Variants in UTP11 observed in about 807,000 individuals in gnomAD.
The protein encoded by UTP11 is probable U3 small nucleolar RNA-associated protein 11.
In UTP11, 29 loss-of-function variants were observed where a neutral mutation model predicts 39.0. The observed-to-expected ratio is 0.74, with a 90% CI of 0.55 to 1.01. The LOEUF (loss-of-function observed/expected upper bound fraction) is 1.01. Among genes scored for constraint, UTP11 ranks in the 50% least tolerant of loss-of-function variants. The pLI is 0.00. For missense variants in UTP11, 281 were observed against 306.0 expected, an observed-to-expected ratio of 0.92 and a Z score of 0.61; for synonymous variants, 111 against 105.0, an observed-to-expected ratio of 1.06 and a Z score of -0.35.
In UTP11 at chr1:38,019,080, G is replaced by GA. The variant is rs748604855; in HGVS notation, c.365dup (p.Leu123AlafsTer19). 6.2e-7 allele frequency: 1 copy of GA among 1,613,084 alleles called. No individual in the cohort carries two copies. Among genetic ancestry groups the GA allele is most frequent in the South Asian group, 1.1e-5 (1 of 91,038 alleles). On this transcript the variant is annotated frameshift_variant, in exon 5 of 8. Coordinates refer to ENST00000373014, the MANE Select transcript of UTP11 (RefSeq NM_016037.4). LOFTEE classifies it high-confidence loss of function. ...CTAGAAAATCGAAAGACTAAAATCAGAGCTCCATCTGCTGGATTTCCAGGG... is the reference window on the plus strand; with the variant it reads ...CTAGAAAATCGAAAGACTAAAATCAGAAGCTCCATCTGCTGGATTTCCAGGG...
At chr1:38,015,475 A>T (rs999146586) in intron 1 of UTP11, among the ~76,000 whole-genome samples, 1 of 152,188 alleles carries the variant, frequency 6.6e-6, no homozygotes, top group African/African-American at 2.4e-5. Context: ...TCTTGGGCAT[A>T]TCATTCTCTA....
At chr1:38,014,288 G>A (rs917334496) in intron 1 of UTP11, among the ~76,000 whole-genome samples, 3 of 152,226 alleles carry the variant, frequency 2.0e-5, no homozygotes, top group Non-Finnish European at 2.9e-5. Context: ...GATGGCCTGT[G>A]TAGAAGAGGT....
In UTP11 at chr1:38,012,794, T is replaced by G; in HGVS notation, c.-9T>G. 6.2e-7 allele frequency: 1 copy of G among 1,614,198 alleles called. No homozygotes were observed. Among genetic ancestry groups the G allele is most frequent in the South Asian group, 1.1e-5 (1 of 91,082 alleles). On this transcript the variant is annotated 5_prime_UTR_variant, in exon 1 of 8. Transcript: ENST00000373014. ...GTTCTCCACTGATCTTTTCCAAGGC[T>G]GTACAGACATGGCGGCGGCTTTTCG...
rs1286091045 is a variant in UTP11 at position 38,023,831 on chromosome 1, A to C, written c.*203A>C. 1 of 423,304 alleles carries C rather than the reference A, an allele frequency of 2.4e-6. No individual in the cohort carries two copies. The highest frequency in any genetic ancestry group is 4.1e-6 in the Non-Finnish European group (1 of 243,072). The allele number at this position is 423,304 out of a possible 1,614,324, so 26.2% of individuals were successfully genotyped here. ...GTTTTTGGATTGTGAAATTAGTCTT[A>C]TTTTTATATACTTAATTTTTTTTTT... On this transcript the variant is annotated 3_prime_UTR_variant, in exon 8 of 8. Transcript: ENST00000373014.
intron 7 of UTP11, among the ~76,000 whole-genome samples, chr1:38,023,242 T>C (rs1646748396): frequency 1.3e-5 from 2 of 152,220 alleles, no homozygotes; most frequent in Non-Finnish European, 2.9e-5. Flanking sequence ...GCTTTGTAGA[T>C]CATTTAGGTC....
At chr1:38,018,322 C>T (rs557720458) in intron 3 of UTP11, 142 bp from the exon 4 acceptor site, 52 of 529,280 alleles carry the variant, frequency 9.8e-5, no homozygotes, top group East Asian at 5.5e-4. Flanking sequence ...CTGCCCATCT[C>T]GGTCTCCCAA....
chr1:38,024,479 T>C lies in UTP11; in HGVS notation c.*851T>C, dbSNP rs1159374461. The C allele has an allele frequency of 6.7e-6, 1 of 148,168 alleles. No individual in the cohort carries two copies. Among genetic ancestry groups the C allele is most frequent in the Non-Finnish European group, 1.5e-5 (1 of 67,478 alleles). The allele number at this position is 148,168 out of a possible 1,614,324, so 9.2% of individuals were successfully genotyped here. A position where few individuals can be genotyped will look rare whatever the true frequency, so the allele number is the denominator to read the frequency against. ...CTGCAGTGGCGCAATCTCGGCTCAC[T>C]GCAAGCTCCGCTTCCCGGGTTCACG... is the stretch of plus-strand genomic sequence containing the variant. On this transcript the variant is annotated 3_prime_UTR_variant, in exon 8 of 8. Coordinates refer to ENST00000373014, the MANE Select transcript of UTP11 (RefSeq NM_016037.4).
In UTP11 at chr1:38,012,794, T is replaced by C. The variant is rs769581009; in HGVS notation, c.-9T>C. Reference sequence around the variant, plus strand: ...GTTCTCCACTGATCTTTTCCAAGGCTGTACAGACATGGCGGCGGCTTTTCG... The same window carrying C: ...GTTCTCCACTGATCTTTTCCAAGGCCGTACAGACATGGCGGCGGCTTTTCG... On this transcript the variant is annotated 5_prime_UTR_variant, in exon 1 of 8. Coordinates refer to ENST00000373014, the MANE Select transcript of UTP11 (RefSeq NM_016037.4). 11 of 1,614,080 alleles carry C rather than the reference T, an allele frequency of 6.8e-6. No individual in the cohort carries two copies. In the Admixed American group the frequency reaches 1.5e-4, roughly 22 times the overall value.
At position 38,023,561 on chromosome 1, in the gene UTP11, T is replaced by G. The variant is rs1646749646; in HGVS notation, c.695T>G (p.Val232Gly). Residue 232 changes from valine (V) to glycine (G), a missense_variant, in exon 8 of 8, where the codon GTG becomes GGG. Physicochemically the swap from Val to Gly is moderately radical, Grantham distance 109. Coordinates refer to ENST00000373014, the MANE Select transcript of UTP11 (RefSeq NM_016037.4). ...RKDLMDKTQK[V>G]KVKKETVNSP... ...CTTTTGTAGGATAAAACTCAGAAAG[T>G]GAAGGTGAAGAAAGAAACGGTGAAC... 6.2e-7 allele frequency: 1 copy of G among 1,610,878 alleles called. No homozygotes were observed. Among genetic ancestry groups the G allele is most frequent in the Non-Finnish European group, 8.5e-7 (1 of 1,178,802 alleles).
chr1:38,023,431 C>G, intron 7 of UTP11, 114 bp from the exon 8 acceptor site: 2 of 847,250 alleles, frequency 2.4e-6, no homozygotes, highest in Non-Finnish European at 3.6e-6. Context: ...AGGGCTGTGT[C>G]CGTTCTCAAC....
Position 38,016,341 on chromosome 1 carries a change from C to G in UTP11, c.64-18C>G, listed in dbSNP as rs754512749. ...GCGGAGGAAACTAAGCACTGTTGTT[C>G]TTTCTTTTGTCTTCTAGCCTGGCTT... On this transcript the variant is annotated intron_variant, in intron 1 of 7. Transcript: ENST00000373014. 2.1e-5 allele frequency: 34 copies of G among 1,613,856 alleles called. No individual in the cohort carries two copies. The highest frequency in any genetic ancestry group is 2.7e-5 in the African/African-American group (2 of 74,952).
Position 38,023,826 on chromosome 1 carries a change from G to A in UTP11, c.*198G>A. On this transcript the variant is annotated 3_prime_UTR_variant, in exon 8 of 8. Coordinates refer to ENST00000373014, the MANE Select transcript of UTP11 (RefSeq NM_016037.4). ...TAATTGTTTTTGGATTGTGAAATTA[G>A]TCTTATTTTTATATACTTAATTTTT... 1 of 435,182 alleles carries A rather than the reference G, an allele frequency of 2.3e-6. No individual in the cohort carries two copies. Among genetic ancestry groups the A allele is most frequent in the Non-Finnish European group, 4.0e-6 (1 of 250,936 alleles). 27.0% of individuals were successfully genotyped at this position (435,182 alleles called of 1,614,324 possible).
rs1236506924 is a variant in UTP11, at chr1:38,019,291, C to T, written c.475C>T (p.Pro159Ser). The T allele has an allele frequency of 6.2e-7, 1 of 1,613,914 alleles. No individual in the cohort carries two copies. The highest frequency in any genetic ancestry group is 1.3e-5 in the African/African-American group (1 of 74,852). The change falls in exon 6 of 8, where the codon CCG (proline) becomes TCG (serine). Residue 159 changes from proline (P) to serine (S), a missense_variant. Physicochemically the swap from Pro to Ser is moderately conservative, Grantham distance 74 (BLOSUM62 -1). Coordinates refer to ENST00000373014, the MANE Select transcript of UTP11 (RefSeq NM_016037.4). Reference protein sequence around the residue: ...FDVATHLQTAPELVDRVFNRP... With the variant: ...FDVATHLQTASELVDRVFNRP... ...TGTCGCAACTCACCTGCAAACAGCC[C>T]CGGAGCTAGTCGACAGAGTCTTTAA...
chr1:38,016,250 G>T, intron 1 of UTP11, 109 bp from the exon 2 acceptor site: 1 of 1,126,262 alleles, frequency 8.9e-7, no homozygotes. Flanking sequence ...TCCAAGGACT[G>T]GATTTACTGA....
intron 6 of UTP11, among the ~76,000 whole-genome samples, chr1:38,021,208 A>C (rs549276883): frequency 2.6e-5 from 4 of 152,154 alleles, no homozygotes; most frequent in Non-Finnish European, 5.9e-5. Context: ...GGCGTGAGCT[A>C]CCGCGCCCGG....
At chr1:38,017,479 C>G in intron 2 of UTP11, 189 bp from the exon 3 acceptor site, 1 of 451,250 alleles carries the variant, frequency 2.2e-6, no homozygotes, top group Non-Finnish European at 3.9e-6. Context: ...ACTGTGGACC[C>G]TGCGAAGACA....
Position 38,019,332 on chromosome 1 carries a change from G to A in UTP11, c.516G>A (p.Glu172=), listed in dbSNP as rs1230069837. The part of the protein sequence containing the change: ...VDRVFNRPRI[E]TLQKEKVKGV... ...GAGTCTTTAATAGGCCCAGGATAGA[G>A]ACCTTGCAGAAAGAAAAAGTGAAAG... Residue 172 remains glutamate (E), a synonymous_variant, in exon 6 of 8, where the codon GAG becomes GAA. Coordinates refer to ENST00000373014, the MANE Select transcript of UTP11 (RefSeq NM_016037.4). The A allele has an allele frequency of 1.2e-6, 2 of 1,613,598 alleles. No individual in the cohort carries two copies. The highest frequency in any genetic ancestry group is 2.2e-5 in the East Asian group (1 of 44,864).
At chr1:38,021,765 C>A (rs1646738812) in intron 6 of UTP11, among the ~76,000 whole-genome samples, 1 of 151,996 alleles carries the variant, frequency 6.6e-6, no homozygotes, top group Non-Finnish European at 1.5e-5. Flanking sequence ...TGGTGGCGGG[C>A]ACCTGTAATC....
chr1:38,013,467 T>G (rs1646689452), intron 1 of UTP11, among the ~76,000 whole-genome samples: 1 of 152,218 alleles, frequency 6.6e-6, no homozygotes, highest in African/African-American at 2.4e-5. Context: ...TAAACAGTTC[T>G]AGGATTTCTA....
Sources: gnomAD v4.1 joint callset for allele counts (sites outside exome capture counted in the v4.1 genomes callset) on GRCh38, gnomAD v4.1.1 for gene constraint, MANE v1.5 for transcripts, NCBI Gene and HGNC (gene_info 2026-07-23, HGNC 2026-07-21) for gene names.